Variants in VCP observed in about 807,000 individuals in gnomAD.
The protein encoded by VCP is valosin containing protein, also known as transitional endoplasmic reticulum ATPase.
In VCP, 6 loss-of-function variants were observed where a neutral mutation model predicts 85.7. That is an observed-to-expected ratio of 0.07 (90% CI 0.04 to 0.14). VCP has a LOEUF of 0.14. Among genes scored for constraint, VCP ranks in the 10% least tolerant of loss-of-function variants. The probability of loss-of-function intolerance (pLI) is 1.00; values close to 1 mark genes in which losing one functional copy is unlikely to be tolerated. For synonymous variants in VCP, 384 were observed against 367.1 expected, an observed-to-expected ratio of 1.05 and a Z score of -0.53; for missense variants, 353 against 1,043.4, an observed-to-expected ratio of 0.34 and a Z score of 9.12.
rs569016847 is a variant in VCP, at chr9:35,071,900, C to G, written c.17+437G>C. On this transcript the variant is annotated intron_variant, in intron 1 of 16. Coordinates refer to ENST00000358901, the MANE Select transcript of VCP (RefSeq NM_007126.5). ...CAAAGTCCACGCCCACCGGGCCCGG[C>G]TGGGGCCTCGGGCTCGCGGGGCCTG... 8.1e-5 allele frequency: 81 copies of G among 1,001,282 alleles called. 3 individuals carry two copies. The South Asian group carries it at 2.9e-3, about 36-fold the overall frequency. The allele number at this position is 1,001,282 out of a possible 1,614,324, so 62.0% of individuals were successfully genotyped here.
At chr9:35,068,469 G>T in intron 1 of VCP, 107 bp from the exon 2 acceptor site, 3 of 1,044,744 alleles carry the variant, frequency 2.9e-6, no homozygotes, top group Non-Finnish European at 4.5e-6. Flanking sequence ...GCTGTCCCTA[G>T]ACCAGAAAGC....
At chr9:35,068,529 C>G (rs1361692898) in intron 1 of VCP, among the ~76,000 whole-genome samples, 167 bp from the exon 2 acceptor site, 3 of 152,224 alleles carry the variant, frequency 2.0e-5, no homozygotes, top group African/African-American at 7.2e-5. Flanking sequence ...ATCTACCATA[C>G]ATATTACAAT....
rs1270400287 is a variant in VCP at position 35,072,156 on chromosome 9, G to A, written c.17+181C>T. 5 of 1,398,362 alleles carry A rather than the reference G, an allele frequency of 3.6e-6. No individual in the cohort carries two copies. In the Admixed American group the frequency reaches 1.3e-4, roughly 36 times the overall value. 86.6% of individuals were successfully genotyped at this position (1,398,362 alleles called of 1,614,324 possible). A position where few individuals can be genotyped will look rare whatever the true frequency, so the allele number is the denominator to read the frequency against. On this transcript the variant is annotated intron_variant, in intron 1 of 16. Transcript: ENST00000358901. ...CCCCGCCTAGGGGGCGCGCGGGTGC[G>A]CAGCTGGCCCCAGCCGGGCCTGCCG...
intron 5 of VCP, 104 bp from the exon 6 acceptor site, chr9:35,064,389 T>C: frequency 6.8e-7 from 1 of 1,478,570 alleles, no homozygotes; most frequent in Admixed American, 1.8e-5. Flanking sequence ...AAACCTACCG[T>C]ATAAGAAGAT....
intron 1 of VCP, among the ~76,000 whole-genome samples, chr9:35,069,394 C>G (rs978715127): frequency 6.6e-6 from 1 of 151,548 alleles, no homozygotes; most frequent in Non-Finnish European, 1.5e-5. Context: ...CAACTTATTA[C>G]CTAGCCCGTT....
intron 1 of VCP, among the ~76,000 whole-genome samples, chr9:35,069,029 C>A (rs182097166): frequency 6.6e-6 from 1 of 152,264 alleles, no homozygotes; most frequent in Non-Finnish European, 1.5e-5. Flanking sequence ...TTAAGTTCTA[C>A]CAAGCAAGCC....
intron 3 of VCP, among the ~76,000 whole-genome samples, chr9:35,067,109 C>G (rs1828849013): frequency 6.6e-6 from 1 of 151,976 alleles, no homozygotes; most frequent in African/African-American, 2.4e-5. Flanking sequence ...TACTGGTGAC[C>G]CAATATTACA....
Position 35,060,998 on chromosome 9 carries a change from A to T in VCP, c.1359+17T>A, listed in dbSNP as rs1273429033. 3.7e-6 allele frequency: 6 copies of T among 1,614,046 alleles called. No individual in the cohort carries two copies. The highest frequency in any genetic ancestry group is 5.1e-6 in the Non-Finnish European group (6 of 1,180,048). On this transcript the variant is annotated intron_variant, in intron 11 of 16. Coordinates refer to ENST00000358901, the MANE Select transcript of VCP (RefSeq NM_007126.5). The stretch of plus-strand genomic sequence containing the variant: ...AAGCACGTATGTGTGTACCTGAGGC[A>T]CGGGTGTGGTCCTTACCCGGAAGTC...
chr9:35,065,206 T>C, intron 5 of VCP, 45 bp downstream of exon 5: 1 of 1,613,436 alleles, frequency 6.2e-7, no homozygotes, highest in Non-Finnish European at 8.5e-7. Context: ...GATGCCACAC[T>C]GAGTAATCAT....
At chr9:35,070,209 A>T (rs1467293550) in intron 1 of VCP, among the ~76,000 whole-genome samples, 1 of 152,162 alleles carries the variant, frequency 6.6e-6, no homozygotes, top group Non-Finnish European at 1.5e-5. Flanking sequence ...CCATTCCAAA[A>T]GTCTGCCACT....
At chr9:35,067,225 A>C (rs187308290) in intron 3 of VCP, among the ~76,000 whole-genome samples, 1 of 152,290 alleles carries the variant, frequency 6.6e-6, no homozygotes, top group Non-Finnish European at 1.5e-5. Flanking sequence ...GTGACTAAGC[A>C]CTCCCAAGAA....
At chr9:35,068,086 T>A in intron 2 of VCP, 23 bp from the exon 3 acceptor site, 1 of 1,614,104 alleles carries the variant, frequency 6.2e-7, no homozygotes, top group South Asian at 1.1e-5. Flanking sequence ...AGTTAAGGCC[T>A]TTGGGTCATT....
chr9:35,068,216 C>G (rs78639645), intron 2 of VCP, 35 bp downstream of exon 2: 1 of 1,608,390 alleles, frequency 6.2e-7, no homozygotes, highest in East Asian at 2.2e-5. Context: ...CAAGTAAGTG[C>G]AGTAAGGAAA....
chr9:35,070,174 T>C (rs1466112447), intron 1 of VCP, among the ~76,000 whole-genome samples: 1 of 152,178 alleles, frequency 6.6e-6, no homozygotes, highest in East Asian at 1.9e-4. Flanking sequence ...CTAACGACAG[T>C]TTCCTCTGCT....
intron 5 of VCP, 66 bp downstream of exon 5, chr9:35,065,185 A>C: frequency 1.2e-6 from 2 of 1,611,814 alleles, no homozygotes; most frequent in South Asian, 2.2e-5. Context: ...CAGTCCTGAC[A>C]GTTACCACAT....
Position 35,061,562 on chromosome 9 carries a change from T to A in VCP, c.1194+15A>T. 1 of 1,610,948 alleles carries A rather than the reference T, an allele frequency of 6.2e-7. No homozygotes were observed. Among genetic ancestry groups the A allele is most frequent in the Non-Finnish European group, 8.5e-7 (1 of 1,177,190 alleles). On this transcript the variant is annotated intron_variant, in intron 10 of 16. Coordinates refer to ENST00000358901, the MANE Select transcript of VCP (RefSeq NM_007126.5). The stretch of plus-strand genomic sequence containing the variant: ...AGACACTGTAACGCCTGGTCAGCCA[T>A]CATCATCACTTCACCTGTTCCAGGT...
chr9:35,072,294 G>C, intron 1 of VCP, 43 bp downstream of exon 1: 1 of 1,483,062 alleles, frequency 6.7e-7, no homozygotes, highest in Non-Finnish European at 8.9e-7. Context: ...GGCTGGTCCC[G>C]GTGCGCGCCG....
chr9:35,061,251 A>C, intron 10 of VCP, 72 bp from the exon 11 acceptor site: 1 of 1,597,020 alleles, frequency 6.3e-7, no homozygotes, highest in Non-Finnish European at 8.6e-7. Context: ...AGACAATAGA[A>C]TCCTTCCCCT....
At position 35,057,000 on chromosome 9, in the gene VCP, G is replaced by T; in HGVS notation, c.*117C>A. The T allele has an allele frequency of 1.0e-6, 1 of 991,396 alleles. No homozygotes were observed. Among genetic ancestry groups the T allele is most frequent in the Non-Finnish European group, 1.6e-6 (1 of 626,076 alleles). 61.4% of individuals were successfully genotyped at this position (991,396 alleles called of 1,614,324 possible). On this transcript the variant is annotated 3_prime_UTR_variant, in exon 17 of 17. Transcript: ENST00000358901. ...AGTCAGACTGTAGCTGAACTGTTCA[G>T]ACTGGAGAATGGAGCAGGCTGTGGG...
Sources: allele counts gnomAD v4.1 joint callset (sites outside exome capture counted in the v4.1 genomes callset), GRCh38; gene constraint gnomAD v4.1.1; transcripts MANE v1.5; gene names NCBI Gene and HGNC (gene_info 2026-07-23, HGNC 2026-07-21).